The following EPB41L4B variants were observed in gnomAD, a reference collection of about 807,000 sequenced individuals.
The protein encoded by EPB41L4B is band 4.1-like protein 4B.
Under a neutral mutation model 112.5 loss-of-function variants are expected in EPB41L4B, and 30 were observed. The observed-to-expected ratio is 0.27, with a 90% CI of 0.20 to 0.36. EPB41L4B has a LOEUF of 0.36. EPB41L4B is among the 10% of genes least tolerant of loss of function. The probability of loss-of-function intolerance (pLI) is 1.00; values close to 1 mark genes in which losing one functional copy is unlikely to be tolerated. For missense variants in EPB41L4B, 1,024 were observed against 1,133.3 expected, an observed-to-expected ratio of 0.90 and a Z score of 1.38; for synonymous variants, 408 against 439.7, an observed-to-expected ratio of 0.93 and a Z score of 0.90.
intron 1 of EPB41L4B, 122 bp downstream of exon 1, chr9:109,320,019 G>T: frequency 1.3e-6 from 1 of 783,488 alleles, no homozygotes; most frequent in Non-Finnish European, 1.7e-6. Context: ...TCGGAGAAGA[G>T]GATGGGGGAG....
intron 2 of EPB41L4B, among the ~76,000 whole-genome samples, chr9:109,275,104 G>A (rs529962551): frequency 3.9e-5 from 6 of 152,326 alleles, no homozygotes; most frequent in Non-Finnish European, 7.3e-5. Flanking sequence ...GAAACAGGAG[G>A]TCCTAGTCCC....
intron 2 of EPB41L4B, among the ~76,000 whole-genome samples, chr9:109,277,200 T>C (rs534522910): frequency 4.9e-4 from 73 of 150,012 alleles, no homozygotes; most frequent in African/African-American, 1.7e-3. Context: ...TGGCAGGTGC[T>C]GGAAACAGGT....
rs1834960357 is a variant in EPB41L4B at position 109,255,795 on chromosome 9, C to G, written c.978G>C (p.Val326=). The part of the protein sequence containing the change: ...MDFKKSKLTL[V]VVEDDDQGRE... ...CTACCTGATCATCATCCTCGACCACCACGAGTGTCAATTTGCTCTTTTTAA... is the reference window on the plus strand; with the variant it reads ...CTACCTGATCATCATCCTCGACCACGACGAGTGTCAATTTGCTCTTTTTAA... The change falls in exon 10 of 26, where the codon GTG becomes GTC. Residue 326 remains valine (V), a synonymous_variant. Coordinates refer to ENST00000374566, the MANE Select transcript of EPB41L4B (RefSeq NM_019114.5). The G allele has an allele frequency of 6.2e-7, 1 of 1,613,738 alleles. No individual in the cohort carries two copies. The highest frequency in any genetic ancestry group is 8.5e-7 in the Non-Finnish European group (1 of 1,179,978).
chr9:109,190,494 G>C (rs1294400158), intron 22 of EPB41L4B, among the ~76,000 whole-genome samples: 1 of 152,192 alleles, frequency 6.6e-6, no homozygotes, highest in Admixed American at 6.5e-5. Flanking sequence ...CAAGGTACCT[G>C]AGCACTTCCC....
intron 15 of EPB41L4B, among the ~76,000 whole-genome samples, chr9:109,226,626 A>ATATATATC (rs1554750149): frequency 7.6e-5 from 10 of 132,264 alleles, no homozygotes; most frequent in African/African-American, 2.9e-4. Context: ...ATATATATAT[A>ATATATATC]TATGAAGAAT....
intron 24 of EPB41L4B, among the ~76,000 whole-genome samples, chr9:109,182,137 A>G (rs1832082714): frequency 6.6e-6 from 1 of 152,208 alleles, no homozygotes; most frequent in African/African-American, 2.4e-5. Flanking sequence ...TGAACCTGGG[A>G]GGTGGAGGTT....
At chr9:109,240,562 G>GT (rs1834318292) in intron 15 of EPB41L4B, 4 of 985,320 alleles carry the variant, frequency 4.1e-6, no homozygotes, top group Non-Finnish European at 4.8e-6. Flanking sequence ...AGAAAAAAAT[G>GT]TTTGACTCAG....
At position 109,209,020 on chromosome 9, in the gene EPB41L4B, A is replaced by G. The variant is rs78551614; in HGVS notation, c.1753-971T>C. On this transcript the variant is annotated intron_variant, in intron 17 of 25. Transcript: ENST00000374566. The stretch of plus-strand genomic sequence containing the variant: ...GATTGCTAGAGGTCAGTTCAGTAAT[A>G]TTAGGACTAAATGTGACATATCAGC... Among the ~76,000 whole-genome samples, 942 of 152,328 alleles carry G rather than the reference A, an allele frequency of 6.2e-3. 11 individuals carry two copies. The highest frequency in any genetic ancestry group is 0.024 in the Middle Eastern group (7 of 294).
chr9:109,206,407 T>A (rs1832994813), intron 18 of EPB41L4B, among the ~76,000 whole-genome samples: 1 of 152,218 alleles, frequency 6.6e-6, no homozygotes, highest in South Asian at 2.1e-4. Context: ...ACTCTCAAAC[T>A]CCTGGCCTCA....
At chr9:109,316,735 T>A (rs931620300) in intron 1 of EPB41L4B, among the ~76,000 whole-genome samples, 7 of 152,204 alleles carry the variant, frequency 4.6e-5, no homozygotes, top group Non-Finnish European at 7.3e-5. Context: ...TAGATTTTTT[T>A]AAAAAGATCC....
chr9:109,279,923 TG>T lies in EPB41L4B; in HGVS notation c.307-3del. 6.2e-7 allele frequency: 1 copy of T among 1,612,872 alleles called. No homozygotes were observed. The highest frequency in any genetic ancestry group is 8.5e-7 in the Non-Finnish European group (1 of 1,179,460). On this transcript the variant is annotated splice_polypyrimidine_tract_variant and splice_region_variant and intron_variant, in intron 1 of 25. Coordinates refer to ENST00000374566, the MANE Select transcript of EPB41L4B (RefSeq NM_019114.5). The stretch of plus-strand genomic sequence containing the variant: ...CAAATCCTGGCCTTTGGCATGTTTC[TG>T]GAAGACAATTGGGAAGATGAAAAAA...
At chr9:109,177,602 A>G (rs1831889021) in intron 24 of EPB41L4B, among the ~76,000 whole-genome samples, 1 of 151,972 alleles carries the variant, frequency 6.6e-6, no homozygotes, top group African/African-American at 2.4e-5. Flanking sequence ...TGGGTGGATC[A>G]CCTGAGGTCA....
intron 4 of EPB41L4B, among the ~76,000 whole-genome samples, chr9:109,266,658 T>G (rs1272695069): frequency 6.6e-6 from 1 of 152,046 alleles, no homozygotes; most frequent in Non-Finnish European, 1.5e-5. Context: ...GACATAGACA[T>G]GGGCAAACAA....
At chr9:109,176,412 A>T in intron 25 of EPB41L4B, 139 bp downstream of exon 25, 1 of 1,023,382 alleles carries the variant, frequency 9.8e-7, no homozygotes, top group South Asian at 2.2e-5. Flanking sequence ...GCCCCTTTAT[A>T]GACATTTCAA....
rs1338305855 is a variant in EPB41L4B, at chr9:109,177,786, C to G, written c.2488-1090G>C. Among the ~76,000 whole-genome samples, 4 of 151,282 alleles carry G rather than the reference C, an allele frequency of 2.6e-5. No individual in the cohort carries two copies. The East Asian group carries it at 5.9e-4, about 22-fold the overall frequency. On this transcript the variant is annotated intron_variant, in intron 24 of 25. Coordinates refer to ENST00000374566, the MANE Select transcript of EPB41L4B (RefSeq NM_019114.5). ...GCAATGAGCCGAGGTTGCGCCACTG[C>G]ACTCCAGCCTGGGCACAGAGCGAGA... is the stretch of plus-strand genomic sequence containing the variant.
At chr9:109,209,807 T>C (rs1484319009) in intron 17 of EPB41L4B, among the ~76,000 whole-genome samples, 1 of 152,194 alleles carries the variant, frequency 6.6e-6, no homozygotes, top group African/African-American at 2.4e-5. Flanking sequence ...CTACTATCAT[T>C]ATCCCCAGTT....
chr9:109,181,730 C>T (rs1453327178), intron 24 of EPB41L4B, among the ~76,000 whole-genome samples: 2 of 152,044 alleles, frequency 1.3e-5, no homozygotes, highest in African/African-American at 4.8e-5. Flanking sequence ...TACCTAAGAC[C>T]ACACCATTAT....
chr9:109,257,432 G>A (rs1365567223), intron 7 of EPB41L4B, among the ~76,000 whole-genome samples: 2 of 152,176 alleles, frequency 1.3e-5, no homozygotes, highest in Non-Finnish European at 2.9e-5. Context: ...TAGGTATGAT[G>A]ATCACACTTC....
chr9:109,224,335 T>C (rs915994244), intron 15 of EPB41L4B, among the ~76,000 whole-genome samples: 1 of 152,110 alleles, frequency 6.6e-6, no homozygotes, highest in African/African-American at 2.4e-5. Flanking sequence ...GGTCTATCCA[T>C]ACAAAAGAAC....
Sources: gnomAD v4.1 joint callset for allele counts (sites outside exome capture counted in the v4.1 genomes callset) on GRCh38, gnomAD v4.1.1 for gene constraint, MANE v1.5 for transcripts, NCBI Gene and HGNC (gene_info 2026-07-23, HGNC 2026-07-21) for gene names.